The following SCFD2 variants were observed in gnomAD, a reference collection of about 807,000 sequenced individuals.
The protein encoded by SCFD2 is sec1 family domain containing 2.
Under a neutral mutation model 58.9 loss-of-function variants are expected in SCFD2, and 54 were observed. The ratio of observed to expected loss-of-function variants is 0.92; its 90% confidence interval spans 0.74 to 1.15. The LOEUF (loss-of-function observed/expected upper bound fraction) is 1.15. SCFD2 is among the 50% of genes most tolerant of loss of function. The probability of loss-of-function intolerance (pLI) is 0.00; values close to 1 mark genes in which losing one functional copy is unlikely to be tolerated. For synonymous variants in SCFD2, 321 were observed against 335.9 expected (o/e 0.96, Z 0.49); for missense variants, 805 against 836.6 (o/e 0.96, Z 0.47).
At chr4:52,882,128 G>C (rs560836996) in intron 8 of SCFD2, among the ~76,000 whole-genome samples, 56 of 152,272 alleles carry the variant, frequency 3.7e-4, no homozygotes, top group African/African-American at 1.3e-3. Flanking sequence ...GGGTTGAGGA[G>C]AGCTGCAACA....
intron 5 of SCFD2, among the ~76,000 whole-genome samples, chr4:53,041,401 G>A (rs1477443722): frequency 6.6e-6 from 1 of 152,176 alleles, no homozygotes; most frequent in Non-Finnish European, 1.5e-5. Context: ...AAGGGTTTCT[G>A]TGGAGCTAAG....
At chr4:53,333,412 A>G (rs1284015055) in intron 2 of SCFD2, among the ~76,000 whole-genome samples, 3 of 134,230 alleles carry the variant, frequency 2.2e-5, no homozygotes, top group African/African-American at 8.6e-5. Context: ...ATATAGATCA[A>G]TGGAACAGAA....
chr4:53,309,267 A>C (rs1732613618), intron 3 of SCFD2, among the ~76,000 whole-genome samples: 1 of 152,230 alleles, frequency 6.6e-6, no homozygotes, highest in East Asian at 1.9e-4. Flanking sequence ...AGTGACTTAA[A>C]ACTAGAAGTA....
At chr4:52,927,681 A>G (rs766721278) in intron 5 of SCFD2, among the ~76,000 whole-genome samples, 3 of 152,210 alleles carry the variant, frequency 2.0e-5, no homozygotes, top group Non-Finnish European at 2.9e-5. Flanking sequence ...CACAGGTTTG[A>G]GAAGAAACAC....
intron 2 of SCFD2, among the ~76,000 whole-genome samples, chr4:53,325,422 A>T (rs535588627): frequency 1.3e-5 from 2 of 152,188 alleles, no homozygotes; most frequent in Non-Finnish European, 2.9e-5. Flanking sequence ...GCCAGGAAAT[A>T]AAAAAGAAGA....
intron 4 of SCFD2, among the ~76,000 whole-genome samples, chr4:53,188,575 G>A (rs771332580): frequency 7.3e-4 from 111 of 152,072 alleles, no homozygotes; most frequent in Non-Finnish European, 8.7e-4. Flanking sequence ...CAAGGAAGGA[G>A]CAGGCACATC....
At chr4:53,310,177 A>G (rs1732648445) in intron 3 of SCFD2, among the ~76,000 whole-genome samples, 1 of 152,210 alleles carries the variant, frequency 6.6e-6, no homozygotes, top group Non-Finnish European at 1.5e-5. Flanking sequence ...AAAAAGTGTC[A>G]TGAGCCAGAC....
At chr4:53,013,337 C>A (rs182298248) in intron 5 of SCFD2, among the ~76,000 whole-genome samples, 1 of 152,158 alleles carries the variant, frequency 6.6e-6, no homozygotes, top group Non-Finnish European at 1.5e-5. Flanking sequence ...AATTCATGGG[C>A]CCTTTCCTGT....
At chr4:53,250,773 A>T (rs1289784123) in intron 4 of SCFD2, among the ~76,000 whole-genome samples, 2 of 152,264 alleles carry the variant, frequency 1.3e-5, no homozygotes, top group African/African-American at 4.8e-5. Context: ...ATAGCACTAA[A>T]TGCCCACAAG....
intron 5 of SCFD2, among the ~76,000 whole-genome samples, chr4:52,970,003 A>G (rs1721057131): frequency 6.6e-6 from 1 of 152,208 alleles, no homozygotes; most frequent in Non-Finnish European, 1.5e-5. Context: ...GAGGGTAAAA[A>G]TCTCAAGGAG....
At chr4:53,099,899 G>A (rs1415505887) in intron 5 of SCFD2, among the ~76,000 whole-genome samples, 2 of 152,026 alleles carry the variant, frequency 1.3e-5, no homozygotes, top group Non-Finnish European at 2.9e-5. Flanking sequence ...ATTATTTATG[G>A]GTAAGAGGTA....
At chr4:53,088,722 G>A (rs1316005476) in intron 5 of SCFD2, among the ~76,000 whole-genome samples, 1 of 152,106 alleles carries the variant, frequency 6.6e-6, no homozygotes, top group Non-Finnish European at 1.5e-5. Context: ...ATTTAGGTGA[G>A]ACTGTGGGTT....
chr4:53,038,844 A>G (rs1442928169), intron 5 of SCFD2, among the ~76,000 whole-genome samples: 1 of 151,978 alleles, frequency 6.6e-6, no homozygotes, highest in Non-Finnish European at 1.5e-5. Context: ...ATGTACCACA[A>G]TGCCCAGCTA....
intron 2 of SCFD2, among the ~76,000 whole-genome samples, chr4:53,352,054 T>C (rs769792943): frequency 6.6e-6 from 1 of 152,236 alleles, no homozygotes; most frequent in African/African-American, 2.4e-5. Flanking sequence ...TATATTTTCA[T>C]TGTCATTTCT....
intron 3 of SCFD2, among the ~76,000 whole-genome samples, chr4:53,303,701 C>A (rs1468201621): frequency 6.6e-6 from 1 of 151,884 alleles, no homozygotes; most frequent in African/African-American, 2.4e-5. Flanking sequence ...TGGAACCAAC[C>A]CAAATGTCCA....
chr4:53,236,813 TTTA>T (rs1163547731), intron 4 of SCFD2, among the ~76,000 whole-genome samples: 12 of 18,972 alleles, frequency 6.3e-4, no homozygotes, highest in Admixed American at 1.4e-3. Context: ...CACTGTTTTA[TTTA>T]TTTATTTATT....
intron 5 of SCFD2, among the ~76,000 whole-genome samples, chr4:53,098,812 C>T (rs144982202): frequency 2.2e-4 from 34 of 152,260 alleles, no homozygotes; most frequent in East Asian, 1.3e-3. Flanking sequence ...CACACATGCA[C>T]GCACACATTC....
At chr4:53,083,358 G>A (rs1007126468) in intron 5 of SCFD2, among the ~76,000 whole-genome samples, 9 of 152,052 alleles carry the variant, frequency 5.9e-5, no homozygotes, top group Admixed American at 3.3e-4. Flanking sequence ...ATTAAAAATT[G>A]GAGGAAAAAC....
intron 5 of SCFD2, among the ~76,000 whole-genome samples, chr4:52,993,459 C>T (rs997186191): frequency 1.3e-4 from 20 of 152,244 alleles, no homozygotes; most frequent in African/African-American, 4.1e-4. Flanking sequence ...TATTTATGTG[C>T]GGCAACTAAA....
Sources: gnomAD v4.1 joint callset for allele counts (sites outside exome capture counted in the v4.1 genomes callset) on GRCh38, gnomAD v4.1.1 for gene constraint, MANE v1.5 for transcripts, NCBI Gene and HGNC (gene_info 2026-07-23, HGNC 2026-07-21) for gene names.